GLG1: variants seen among roughly 807,000 people sequenced by gnomAD.
GLG1 encodes Golgi apparatus protein 1.
A neutral mutation model predicts 160.5 loss-of-function variants in GLG1; 38 were observed. The ratio of observed to expected loss-of-function variants is 0.24; its 90% CI spans 0.18 to 0.31. The LOEUF (loss-of-function observed/expected upper bound fraction) is 0.31. Ranked by LOEUF, GLG1 falls within the 10% of genes least tolerant of loss-of-function variation. The pLI is 1.00. For missense variants in GLG1, 1,373 were observed against 1,505.2 expected (o/e 0.91, Z 1.45); for synonymous variants, 644 against 543.4 (o/e 1.19, Z -2.57).
intron 18 of GLG1, among the ~76,000 whole-genome samples, chr16:74,467,389 C>T (rs2015039168): frequency 4.6e-5 from 7 of 152,168 alleles, no homozygotes; most frequent in Admixed American, 4.6e-4. Context: ...TAGTTAAGAA[C>T]TTCTGTGCAA....
chr16:74,491,232 G>C lies in GLG1; in HGVS notation c.1235-17C>G. 3 of 1,558,714 alleles carry C rather than the reference G, an allele frequency of 1.9e-6. No homozygotes were observed. Among genetic ancestry groups the C allele is most frequent in the South Asian group, 1.1e-5 (1 of 89,956 alleles). On this transcript the variant is annotated splice_polypyrimidine_tract_variant and intron_variant, in intron 7 of 25. Coordinates refer to ENST00000422840, the MANE Select transcript of GLG1 (RefSeq NM_001145667.2). ...CTTGTCGCCCTAAGTTAGGATGTAAGTCATAACATTACGAAGGGTGATGCT... is the reference window on the plus strand; with the variant it reads ...CTTGTCGCCCTAAGTTAGGATGTAACTCATAACATTACGAAGGGTGATGCT...
At chr16:74,498,474 T>TTA (rs1213850206) in intron 4 of GLG1, among the ~76,000 whole-genome samples, 1 of 33,216 alleles carries the variant, frequency 3.0e-5, no homozygotes, top group African/African-American at 8.7e-5. Flanking sequence ...ATATTATATT[T>TTA]TATATATATA....
intron 1 of GLG1, among the ~76,000 whole-genome samples, chr16:74,602,594 C>T (rs1429912598): frequency 6.6e-6 from 1 of 151,990 alleles, no homozygotes; most frequent in Non-Finnish European, 1.5e-5. Context: ...CTAGCCTGGC[C>T]AATATAGTGA....
chr16:74,572,540 A>C (rs77067960), intron 1 of GLG1, among the ~76,000 whole-genome samples: 11 of 150,996 alleles, frequency 7.3e-5, no homozygotes, highest in South Asian at 6.3e-4. Flanking sequence ...AAAAAAAAAA[A>C]CACAAAACAC....
At chr16:74,571,697 C>T (rs1052908234) in intron 1 of GLG1, among the ~76,000 whole-genome samples, 5 of 151,690 alleles carry the variant, frequency 3.3e-5, no homozygotes, top group African/African-American at 4.8e-5. Context: ...CAGTGGTGCA[C>T]GCCTGTGGTC....
At chr16:74,518,247 T>C (rs1406439000) in intron 2 of GLG1, among the ~76,000 whole-genome samples, 1 of 151,958 alleles carries the variant, frequency 6.6e-6, no homozygotes. Context: ...GCCAAGAAAA[T>C]CTTGGGCAAG....
At chr16:74,600,973 C>T (rs1958427355) in intron 1 of GLG1, among the ~76,000 whole-genome samples, 1 of 152,068 alleles carries the variant, frequency 6.6e-6, no homozygotes, top group African/African-American at 2.4e-5. Context: ...TACTAGTGTC[C>T]TTCCACAATG....
At chr16:74,541,670 C>A (rs555254032) in intron 1 of GLG1, among the ~76,000 whole-genome samples, 7 of 152,314 alleles carry the variant, frequency 4.6e-5, no homozygotes, top group Admixed American at 1.3e-4. Flanking sequence ...GCCTTTCATT[C>A]TCTGTATAAA....
intron 15 of GLG1, among the ~76,000 whole-genome samples, chr16:74,470,745 G>C (rs1181781165): frequency 6.6e-6 from 1 of 151,624 alleles, no homozygotes; most frequent in Non-Finnish European, 1.5e-5. Context: ...ACCATGCCCG[G>C]CTGGAAAAAA....
At chr16:74,558,311 G>A (rs985613180) in intron 1 of GLG1, among the ~76,000 whole-genome samples, 1 of 152,190 alleles carries the variant, frequency 6.6e-6, no homozygotes, top group Non-Finnish European at 1.5e-5. Flanking sequence ...GAAAATGCAA[G>A]TGTTAGTATC....
intron 1 of GLG1, among the ~76,000 whole-genome samples, chr16:74,605,026 C>T (rs1325397956): frequency 1.3e-5 from 2 of 152,120 alleles, no homozygotes; most frequent in African/African-American, 4.8e-5. Context: ...AGCCTGGCGA[C>T]AGAGTGAGAC....
At chr16:74,491,258 ATGT>A in intron 7 of GLG1, 43 bp from the exon 8 acceptor site, 1 of 1,330,022 alleles carries the variant, frequency 7.5e-7, no homozygotes, top group Non-Finnish European at 1.1e-6. Flanking sequence ...GGGTGATGCT[ATGT>A]ATTAGCATCA....
intron 25 of GLG1, among the ~76,000 whole-genome samples, chr16:74,454,602 G>A (rs1431105065): frequency 5.6e-5 from 8 of 142,734 alleles, no homozygotes; most frequent in African/African-American, 1.8e-4. Flanking sequence ...GGAGGCGGAG[G>A]TTGCAGTGTG....
intron 1 of GLG1, among the ~76,000 whole-genome samples, chr16:74,549,493 A>G (rs1425347934): frequency 6.6e-6 from 1 of 152,180 alleles, no homozygotes; most frequent in Admixed American, 6.5e-5. Context: ...TCACTGTGTT[A>G]GCCAGGATGG....
intron 1 of GLG1, among the ~76,000 whole-genome samples, chr16:74,567,377 A>T (rs1321660224): frequency 1.3e-5 from 2 of 152,088 alleles, no homozygotes; most frequent in African/African-American, 4.8e-5. Flanking sequence ...GCGCTTTAGA[A>T]TTTGAAATGA....
chr16:74,468,619 G>A (rs966543602), intron 17 of GLG1: 9 of 240,514 alleles, frequency 3.7e-5, no homozygotes, highest in East Asian at 1.8e-4. Flanking sequence ...CACCTGCCTC[G>A]GCCTCCCAAA....
chr16:74,601,629 G>A (rs1258398951), intron 1 of GLG1, among the ~76,000 whole-genome samples: 3 of 152,144 alleles, frequency 2.0e-5, no homozygotes, highest in Admixed American at 6.6e-5. Context: ...CTTAAGGTGA[G>A]TTGGGATTTG....
chr16:74,544,819 C>A (rs2018001137), intron 1 of GLG1, among the ~76,000 whole-genome samples: 1 of 151,974 alleles, frequency 6.6e-6, no homozygotes, highest in Non-Finnish European at 1.5e-5. Flanking sequence ...CATCTGTAAG[C>A]CTAAGTGGAG....
At chr16:74,505,193 G>A (rs899030442) in intron 3 of GLG1, among the ~76,000 whole-genome samples, 8 of 152,158 alleles carry the variant, frequency 5.3e-5, no homozygotes, top group African/African-American at 1.2e-4. Flanking sequence ...ACACACCACC[G>A]AGGAATTATC....
Sources: allele counts gnomAD v4.1 joint callset (sites outside exome capture counted in the v4.1 genomes callset), GRCh38; gene constraint gnomAD v4.1.1; transcripts MANE v1.5; gene names NCBI Gene and HGNC (gene_info 2026-07-23, HGNC 2026-07-21).